Variants in NR3C1 observed in about 807,000 individuals in gnomAD.
NR3C1 encodes glucocorticoid receptor.
Under a neutral mutation model 74.0 loss-of-function variants are expected in NR3C1, and 14 were observed. The ratio of observed to expected loss-of-function variants is 0.19; its 90% CI spans 0.12 to 0.30. NR3C1 has a LOEUF of 0.30. Ranked by LOEUF, NR3C1 falls within the 10% of genes least tolerant of loss-of-function variation. The pLI is 1.00. For synonymous variants in NR3C1, 308 were observed against 332.5 expected (o/e 0.93, Z 0.80); for missense variants, 695 against 909.8 (o/e 0.76, Z 3.04).
chr5:143,404,437 G>C, upstream of NR3C1: 1 of 985,468 alleles, frequency 1.0e-6, no homozygotes, highest in South Asian at 4.7e-5. Context: ...CTGGGCGGCC[G>C]GGTCTTCAGC....
At chr5:143,434,659 C>T (rs1303763450) in exon 1 of NR3C1, 1 of 985,258 alleles carries the variant, frequency 1.0e-6, no homozygotes, top group East Asian at 1.1e-4. Context: ...GCATTTTGTT[C>T]CTCCCCATTC....
chr5:143,299,316 CT>C (rs141449590), intron 5 of NR3C1, among the ~76,000 whole-genome samples: 110 of 150,712 alleles, frequency 7.3e-4, no homozygotes, highest in African/African-American at 2.5e-3. Flanking sequence ...ACCCAGCCCC[CT>C]AGGTGCTTTT....
At chr5:143,404,414 A>C (rs1387206746), upstream of NR3C1, 9 of 985,184 alleles carry the variant, frequency 9.1e-6, no homozygotes, top group African/African-American at 1.6e-4. Context: ...CAGGTCCCCC[A>C]CCACCGCATC....
intron 1 of NR3C1, among the ~76,000 whole-genome samples, chr5:143,427,464 G>A (rs1447855583): frequency 6.6e-6 from 1 of 151,978 alleles, no homozygotes; most frequent in Admixed American, 6.6e-5. Flanking sequence ...AAGAAGAAGA[G>A]GGGAAAGATA....
At chr5:143,292,559 A>G (rs2151518445) in intron 7 of NR3C1, among the ~76,000 whole-genome samples, 1 of 152,276 alleles carries the variant, frequency 6.6e-6, no homozygotes, top group South Asian at 2.1e-4. Flanking sequence ...TCCTACCAGA[A>G]AAAGGAGGGA....
rs958547884 is a variant in NR3C1, at chr5:143,290,761, C to T, written c.2023+4699G>A. On this transcript the variant is annotated intron_variant, in intron 7 of 8. Transcript: ENST00000394464. ...TATAGTTTTAGTAGAGTCGGGGTTTCGCCATGTTGGTCAGGCTGGTCTCGA... is the reference window on the plus strand; with the variant it reads ...TATAGTTTTAGTAGAGTCGGGGTTTTGCCATGTTGGTCAGGCTGGTCTCGA... Among the ~76,000 whole-genome samples the T allele has an allele frequency of 8.6e-5, 13 of 151,772 alleles. 1 individual carries two copies. The highest frequency in any genetic ancestry group is 1.5e-4 in the African/African-American group (6 of 41,278).
chr5:143,402,161 T>C (rs1008674255), intron 1 of NR3C1, among the ~76,000 whole-genome samples: 1 of 152,188 alleles, frequency 6.6e-6, no homozygotes, highest in Non-Finnish European at 1.5e-5. Flanking sequence ...TCTGCCCCGT[T>C]TATCTGAGGC....
At chr5:143,405,265 GACACGGGC>G (rs1841036858), upstream of NR3C1, 1 of 985,662 alleles carries the variant, frequency 1.0e-6, no homozygotes, top group Non-Finnish European at 1.2e-6. Flanking sequence ...GCCAGCTCCT[GACACGGGC>G]GGGGGCTGCC....
chr5:143,318,122 AC>A (rs1476474803), intron 2 of NR3C1, among the ~76,000 whole-genome samples: 1 of 152,090 alleles, frequency 6.6e-6, no homozygotes, highest in Non-Finnish European at 1.5e-5. Context: ...GGTGATCATC[AC>A]ACAATAGGTC....
chr5:143,332,713 T>C lies in NR3C1; in HGVS notation c.1185-18545A>G, dbSNP rs191931021. ...CGTGACAAGGTGCGTCTCAGACGAC[T>C]AGAAGTGAAACCTCATGCCTTGGAA... On this transcript the variant is annotated intron_variant, in intron 2 of 8. Transcript: ENST00000394464. 49 of 1,580,734 alleles carry C rather than the reference T, an allele frequency of 3.1e-5. No individual in the cohort carries two copies. The East Asian group carries it at 1.1e-3, about 35-fold the overall frequency.
intron 7 of NR3C1, 110 bp downstream of exon 7, chr5:143,295,350 A>G (rs951789409): frequency 6.8e-7 from 1 of 1,471,354 alleles, no homozygotes; most frequent in African/African-American, 1.4e-5. Flanking sequence ...CTAGTAGGAA[A>G]TAATAGTAGA....
At chr5:143,367,054 G>A (rs1298256180) in intron 2 of NR3C1, among the ~76,000 whole-genome samples, 3 of 152,008 alleles carry the variant, frequency 2.0e-5, no homozygotes, top group Non-Finnish European at 4.4e-5. Flanking sequence ...ATATAAAAAG[G>A]ATTATAAACC....
At chr5:143,317,590 T>C (rs371928788) in intron 2 of NR3C1, among the ~76,000 whole-genome samples, 3 of 152,220 alleles carry the variant, frequency 2.0e-5, no homozygotes, top group African/African-American at 4.8e-5. Context: ...AACCGAATAA[T>C]TCCTGAGGCT....
intron 2 of NR3C1, among the ~76,000 whole-genome samples, chr5:143,383,472 T>C (rs1295969259): frequency 6.6e-6 from 1 of 152,240 alleles, no homozygotes. Context: ...ATATAAACAG[T>C]ATTAATTCAA....
At chr5:143,413,952 T>C (rs1203338851) in intron 1 of NR3C1, among the ~76,000 whole-genome samples, 1 of 152,208 alleles carries the variant, frequency 6.6e-6, no homozygotes, top group Non-Finnish European at 1.5e-5. Flanking sequence ...AATAGCTTTT[T>C]ATCAAAATAT....
At chr5:143,418,363 G>T (rs867663588) in intron 1 of NR3C1, among the ~76,000 whole-genome samples, 1 of 152,132 alleles carries the variant, frequency 6.6e-6, no homozygotes, top group Non-Finnish European at 1.5e-5. Flanking sequence ...CTTTCTTCCT[G>T]CCCTCAACTG....
chr5:143,295,079 A>C (rs190896556), intron 7 of NR3C1: 1 of 985,298 alleles, frequency 1.0e-6, no homozygotes, highest in Non-Finnish European at 1.2e-6. Flanking sequence ...CATACATGCT[A>C]ATACTCATTA....
chr5:143,293,786 G>C, intron 7 of NR3C1: 1 of 669,902 alleles, frequency 1.5e-6, no homozygotes, highest in Non-Finnish European at 1.8e-6. Context: ...TTTTTAACAA[G>C]AAGAACTCGT....
At chr5:143,282,149 A>G (rs1356095148) in intron 8 of NR3C1, 108 bp from the exon 9 acceptor site, 1 of 1,116,410 alleles carries the variant, frequency 9.0e-7, no homozygotes, top group Admixed American at 1.8e-5. Flanking sequence ...GAATATACCA[A>G]TCTCACTGGA....
Sources: gnomAD v4.1 joint callset for allele counts (sites outside exome capture counted in the v4.1 genomes callset) on GRCh38, gnomAD v4.1.1 for gene constraint, MANE v1.5 for transcripts, NCBI Gene and HGNC (gene_info 2026-07-23, HGNC 2026-07-21) for gene names.